LANCL3: variants seen among roughly 807,000 people sequenced by gnomAD.
LANCL3 encodes lanC-like protein 3.
A neutral mutation model predicts 26.5 loss-of-function variants in LANCL3; 19 were observed. That is an observed-to-expected ratio of 0.72 (90% CI 0.50 to 1.05). The LOEUF is 1.05. Ranked by LOEUF, LANCL3 falls within the 50% of genes least tolerant of loss-of-function variation. The pLI is 0.00. For synonymous variants in LANCL3, 160 were observed against 166.6 expected (o/e 0.96, Z 0.30); for missense variants, 318 against 362.7 (o/e 0.88, Z 1.00).
intron 3 of LANCL3, among the ~76,000 whole-genome samples, chrX:37,664,551 T>C (rs1926498703): frequency 9.0e-6 from 1 of 111,661 alleles, no homozygotes; most frequent in Non-Finnish European, 1.9e-5. Flanking sequence ...TTAACCACTT[T>C]ATTATTTTTT....
intron 1 of LANCL3, among the ~76,000 whole-genome samples, chrX:37,636,087 A>G (rs1925698903): frequency 2.7e-5 from 3 of 110,534 alleles, no homozygotes; most frequent in Admixed American, 1.9e-4. Context: ...GTGCTAGTTC[A>G]CTTAGGATAA....
At chrX:37,608,888 C>A (rs1453447016) in intron 1 of LANCL3, among the ~76,000 whole-genome samples, 10 of 111,755 alleles carry the variant, frequency 8.9e-5, no homozygotes, top group Non-Finnish European at 1.5e-4. Context: ...TGATTCCCTC[C>A]GATTTTGTTT....
chrX:37,640,426 C>G (rs1448380747), intron 1 of LANCL3, among the ~76,000 whole-genome samples: 1 of 111,367 alleles, frequency 9.0e-6, no homozygotes, highest in East Asian at 2.8e-4. Flanking sequence ...GATTCAATCA[C>G]CTCCCACAAG....
chrX:37,577,049 T>C (rs782425287), intron 1 of LANCL3, among the ~76,000 whole-genome samples: 98 of 112,437 alleles, frequency 8.7e-4, no homozygotes, highest in South Asian at 1.9e-3. Context: ...GTTAGGAGTC[T>C]GCATTTGTTT....
At chrX:37,594,606 T>G (rs782439082) in intron 1 of LANCL3, among the ~76,000 whole-genome samples, 2 of 112,354 alleles carry the variant, frequency 1.8e-5, no homozygotes, top group South Asian at 7.4e-4. Flanking sequence ...TTGTGAACTT[T>G]CTGCTGCCTT....
intron 1 of LANCL3, among the ~76,000 whole-genome samples, chrX:37,647,368 C>CT (rs1471751833): frequency 9.0e-6 from 1 of 111,184 alleles, no homozygotes; most frequent in East Asian, 2.8e-4. Context: ...AACCCAAAAA[C>CT]TTTTTTCTTT....
intron 2 of LANCL3, among the ~76,000 whole-genome samples, chrX:37,657,657 G>A (rs985747176): frequency 5.6e-5 from 6 of 107,991 alleles, no homozygotes; most frequent in African/African-American, 1.0e-4. Context: ...TCAGGTTTTC[G>A]TTACAGAAAT....
intron 4 of LANCL3, among the ~76,000 whole-genome samples, chrX:37,671,417 A>G (rs1264888369): frequency 8.9e-6 from 1 of 111,814 alleles, no homozygotes; most frequent in Non-Finnish European, 1.9e-5. Context: ...ACATTAGATT[A>G]TAAGTGTTAG....
chrX:37,586,964 A>G lies in LANCL3; in HGVS notation c.573+14521A>G, dbSNP rs782542845. ...GGTCTTTGATGATGGTGATGTACAG[A>G]TGGGGTTTTGGTGTGGATGTACTTT... On this transcript the variant is annotated intron_variant, in intron 1 of 4. Transcript: ENST00000378619. Among the ~76,000 whole-genome samples the G allele has an allele frequency of 7.8e-4, 87 of 111,790 alleles. 1 individual carries two copies. The highest frequency in any genetic ancestry group is 3.8e-4 in the Non-Finnish European group (20 of 53,093).
At position 37,659,795 on chromosome X, in the gene LANCL3, C is replaced by T. The variant is rs183381956; in HGVS notation, c.895+136C>T. On this transcript the variant is annotated intron_variant, in intron 3 of 4. Transcript: ENST00000378619. ...ATAAAAGGGTCAAGATGAGATTTTTCAAAGCCAAATGTCCTGATCAGTAAA... is the reference window on the plus strand; with the variant it reads ...ATAAAAGGGTCAAGATGAGATTTTTTAAAGCCAAATGTCCTGATCAGTAAA... The T allele has an allele frequency of 1.0e-3, 543 of 525,925 alleles. 1 individual carries two copies. In the East Asian group the frequency reaches 0.019, roughly 19 times the overall value. 43.3% of individuals were successfully genotyped at this position (525,925 alleles called of 1,213,427 possible).
chrX:37,610,686 G>C (rs782819927), intron 1 of LANCL3, among the ~76,000 whole-genome samples: 2 of 111,644 alleles, frequency 1.8e-5, no homozygotes, highest in Non-Finnish European at 3.8e-5. Context: ...AGGTCACAGA[G>C]CTGAGAAGGA....
At chrX:37,655,976 C>T (rs1268765716) in intron 2 of LANCL3, among the ~76,000 whole-genome samples, 165 bp downstream of exon 2, 1 of 111,857 alleles carries the variant, frequency 8.9e-6, no homozygotes, top group East Asian at 2.8e-4. Context: ...TAACACAAAT[C>T]ACAAGTTAAT....
Position 37,572,300 on chromosome X carries a change from G to C in LANCL3, c.430G>C (p.Val144Leu). The part of the protein sequence containing the change: ...VYHALGRSDY[V>L]QPLGKFRALC... ...CCACGCCCTGGGCCGGTCCGACTACGTGCAGCCGCTGGGCAAGTTCCGGGC... is the reference window on the plus strand; with the variant it reads ...CCACGCCCTGGGCCGGTCCGACTACCTGCAGCCGCTGGGCAAGTTCCGGGC... The change falls in exon 1 of 5, where the codon GTG (valine) becomes CTG (leucine). Residue 144 changes from valine to leucine, a missense_variant. Transcript: ENST00000378619. 2 of 1,158,895 alleles carry C rather than the reference G, an allele frequency of 1.7e-6. No individual in the cohort carries two copies. Among genetic ancestry groups the C allele is most frequent in the Non-Finnish European group, 2.3e-6 (2 of 870,719 alleles).
intron 1 of LANCL3, among the ~76,000 whole-genome samples, chrX:37,648,842 A>G (rs1221275989): frequency 8.9e-6 from 1 of 112,483 alleles, no homozygotes; most frequent in East Asian, 2.8e-4. Context: ...ATGGCCAAAA[A>G]ACATGAAAAA....
intron 3 of LANCL3, among the ~76,000 whole-genome samples, chrX:37,664,299 G>A (rs1255767331): frequency 9.0e-6 from 1 of 111,269 alleles, no homozygotes; most frequent in Admixed American, 9.5e-5. Flanking sequence ...GCTTCCATGA[G>A]ACTTCTATTT....
At chrX:37,597,198 C>T (rs1220267602) in intron 1 of LANCL3, among the ~76,000 whole-genome samples, 2 of 111,850 alleles carry the variant, frequency 1.8e-5, no homozygotes, top group Non-Finnish European at 3.8e-5. Context: ...AATAATATTC[C>T]TTTGTATGAA....
intron 1 of LANCL3, among the ~76,000 whole-genome samples, chrX:37,594,716 T>A (rs1924378330): frequency 8.9e-6 from 1 of 112,169 alleles, no homozygotes; most frequent in Non-Finnish European, 1.9e-5. Flanking sequence ...TTGAGAGAAC[T>A]TTCATGGGAA....
intron 1 of LANCL3, among the ~76,000 whole-genome samples, chrX:37,641,636 T>A (rs1216711942): frequency 9.0e-6 from 1 of 111,417 alleles, no homozygotes; most frequent in African/African-American, 3.3e-5. Flanking sequence ...ATTATGACCT[T>A]CAGGGCATCC....
At chrX:37,619,517 A>G (rs1460280673) in intron 1 of LANCL3, among the ~76,000 whole-genome samples, 1 of 111,538 alleles carries the variant, frequency 9.0e-6, no homozygotes, top group Admixed American at 9.6e-5. Context: ...ATAAAATGGA[A>G]TTTAAAAACT....
Sources: gnomAD v4.1 joint callset for allele counts (sites outside exome capture counted in the v4.1 genomes callset) on GRCh38, gnomAD v4.1.1 for gene constraint, MANE v1.5 for transcripts, NCBI Gene and HGNC (gene_info 2026-07-23, HGNC 2026-07-21) for gene names.